CSMD1: variants seen among roughly 807,000 people sequenced by gnomAD.
CSMD1 encodes the protein CUB and Sushi multiple domains 1, also known as CUB and sushi domain-containing protein 1.
Under a neutral mutation model 417.5 loss-of-function variants are expected in CSMD1, and 213 were observed. That is an observed-to-expected ratio of 0.51 (90% CI 0.46 to 0.57). The LOEUF (loss-of-function observed/expected upper bound fraction) is 0.57. CSMD1 is among the 20% of genes least tolerant of loss of function. CSMD1 has a pLI of 0.00. For missense variants in CSMD1, 6,923 were observed against 4,529.7 expected, an observed-to-expected ratio of 1.53 and a Z score of -15.17; for synonymous variants, 2,862 against 1,736.8, an observed-to-expected ratio of 1.65 and a Z score of -16.11.
intron 25 of CSMD1, among the ~76,000 whole-genome samples, chr8:3,304,423 A>C (rs1054986580): frequency 1.3e-5 from 2 of 152,114 alleles, no homozygotes; most frequent in African/African-American, 2.4e-5. Flanking sequence ...ATGTACTTCT[A>C]ATTATGGTTT....
chr8:3,806,884 G>C (rs1015338027), intron 5 of CSMD1, among the ~76,000 whole-genome samples: 2 of 152,140 alleles, frequency 1.3e-5, no homozygotes, highest in African/African-American at 4.8e-5. Flanking sequence ...ACAGTAGTTA[G>C]AGACTTAATA....
At chr8:3,362,846 C>T (rs549069434) in intron 20 of CSMD1, among the ~76,000 whole-genome samples, 129 of 152,158 alleles carry the variant, frequency 8.5e-4, no homozygotes, top group Non-Finnish European at 1.6e-3. Context: ...TTCCTGTAGT[C>T]TCAGCTTCCA....
chr8:4,375,554 TACTA>T (rs1802679970), intron 3 of CSMD1, among the ~76,000 whole-genome samples: 1 of 152,140 alleles, frequency 6.6e-6, no homozygotes, highest in South Asian at 2.1e-4. Context: ...GCCCACTTCT[TACTA>T]ACATTAGCAT....
chr8:3,449,467 G>A (rs1369666165), intron 12 of CSMD1, among the ~76,000 whole-genome samples: 1 of 151,734 alleles, frequency 6.6e-6, no homozygotes, highest in African/African-American at 2.4e-5. Flanking sequence ...TTTTTCTTAT[G>A]CTATATTTTC....
chr8:4,121,986 C>G (rs942093340), intron 3 of CSMD1, among the ~76,000 whole-genome samples: 1 of 151,856 alleles, frequency 6.6e-6, no homozygotes, highest in Non-Finnish European at 1.5e-5. Flanking sequence ...TATAGATTTA[C>G]TAAAATATTT....
intron 1 of CSMD1, among the ~76,000 whole-genome samples, chr8:4,828,262 A>C (rs895509648): frequency 1.3e-5 from 2 of 152,192 alleles, no homozygotes; most frequent in African/African-American, 4.8e-5. Flanking sequence ...TGTTCCATGC[A>C]CTTAGTACTT....
intron 3 of CSMD1, among the ~76,000 whole-genome samples, chr8:4,199,710 C>T (rs535558444): frequency 6.6e-6 from 1 of 152,096 alleles, no homozygotes; most frequent in African/African-American, 2.4e-5. Flanking sequence ...TAATCCAGTG[C>T]CATTTCTCAG....
chr8:4,484,571 C>G (rs1585149710), intron 2 of CSMD1, among the ~76,000 whole-genome samples: 1 of 152,080 alleles, frequency 6.6e-6, no homozygotes, highest in African/African-American at 2.4e-5. Context: ...ACAGATTCAT[C>G]ACTCGCTCTC....
At chr8:3,437,785 T>C (rs1294520586) in intron 12 of CSMD1, among the ~76,000 whole-genome samples, 1 of 151,894 alleles carries the variant, frequency 6.6e-6, no homozygotes, top group African/African-American at 2.4e-5. Context: ...TCTTGCTCTG[T>C]TGCCCAGGCT....
At chr8:3,090,629 G>A (rs893443074) in intron 48 of CSMD1, among the ~76,000 whole-genome samples, 1 of 152,102 alleles carries the variant, frequency 6.6e-6, no homozygotes, top group Non-Finnish European at 1.5e-5. Flanking sequence ...CCCTAAAGAC[G>A]TAAAACACCA....
chr8:4,534,868 C>G (rs1176408088), intron 2 of CSMD1, among the ~76,000 whole-genome samples: 1 of 152,028 alleles, frequency 6.6e-6, no homozygotes, highest in African/African-American at 2.4e-5. Context: ...GTTCATGTCA[C>G]TCTCCTGCCT....
intron 21 of CSMD1, among the ~76,000 whole-genome samples, chr8:3,354,779 G>C (rs1421898004): frequency 7.8e-6 from 1 of 128,410 alleles, no homozygotes; most frequent in Non-Finnish European, 1.6e-5. Context: ...ACAGTTTAGT[G>C]ATATATATAT....
chr8:3,665,326 T>A (rs1046906165), intron 7 of CSMD1, among the ~76,000 whole-genome samples: 1 of 152,116 alleles, frequency 6.6e-6, no homozygotes, highest in Non-Finnish European at 1.5e-5. Flanking sequence ...GGTCAGGAGT[T>A]CGAGACCAGC....
chr8:3,164,697 C>G (rs1202892606), intron 37 of CSMD1, among the ~76,000 whole-genome samples: 2 of 152,092 alleles, frequency 1.3e-5, no homozygotes, highest in Non-Finnish European at 2.9e-5. Flanking sequence ...AAGTCATCGT[C>G]ATTCTGAGAT....
chr8:4,902,810 C>T (rs1170845770), intron 1 of CSMD1, among the ~76,000 whole-genome samples: 1 of 151,948 alleles, frequency 6.6e-6, no homozygotes, highest in Non-Finnish European at 1.5e-5. Context: ...CATGTGTATC[C>T]TTTTCACAAA....
At chr8:4,703,242 C>T (rs546159013) in intron 1 of CSMD1, among the ~76,000 whole-genome samples, 1 of 152,294 alleles carries the variant, frequency 6.6e-6, no homozygotes, top group South Asian at 2.1e-4. Flanking sequence ...CGGTTCTCAA[C>T]CATGGCAATG....
At chr8:4,468,364 C>A in intron 2 of CSMD1, among the ~76,000 whole-genome samples, 1 of 152,098 alleles carries the variant, frequency 6.6e-6, no homozygotes, top group Non-Finnish European at 1.5e-5. Context: ...CTTTTAAAAA[C>A]CATTAATAAA....
At chr8:4,380,994 C>T (rs1476300771) in intron 3 of CSMD1, among the ~76,000 whole-genome samples, 1 of 152,090 alleles carries the variant, frequency 6.6e-6, no homozygotes, top group Non-Finnish European at 1.5e-5. Context: ...AAAAGCGTAT[C>T]TCACTGCCAG....
chr8:4,952,900 A>C (rs756188277), intron 1 of CSMD1, among the ~76,000 whole-genome samples: 16 of 152,124 alleles, frequency 1.1e-4, no homozygotes, highest in Non-Finnish European at 1.9e-4. Context: ...TTTTGAATGA[A>C]ATCTATACTG....
Sources: allele counts gnomAD v4.1 joint callset (sites outside exome capture counted in the v4.1 genomes callset), GRCh38; gene constraint gnomAD v4.1.1; transcripts MANE v1.5; gene names NCBI Gene and HGNC (gene_info 2026-07-23, HGNC 2026-07-21).